Variants in MON2 observed in about 807,000 individuals in gnomAD.
The protein encoded by MON2 is protein MON2 homolog.
MON2 carries 84 observed loss-of-function variants against 208.6 expected under a neutral mutation model. The observed-to-expected ratio is 0.40, with a 90% confidence interval of 0.34 to 0.48. The LOEUF is 0.48. Ranked by LOEUF, MON2 falls within the 20% of genes least tolerant of loss-of-function variation. MON2 has a pLI of 0.59. For synonymous variants in MON2, 660 were observed against 694.0 expected, an observed-to-expected ratio of 0.95 and a Z score of 0.77; for missense variants, 1,611 against 2,015.4, an observed-to-expected ratio of 0.80 and a Z score of 3.84.
intron 2 of MON2, among the ~76,000 whole-genome samples, chr12:62,488,982 G>A (rs1014364708): frequency 2.0e-5 from 3 of 151,748 alleles, no homozygotes; most frequent in Non-Finnish European, 4.4e-5. Context: ...ACATGTATCC[G>A]AGAACTTAAA....
chr12:62,495,579 A>G (rs1303209537), intron 4 of MON2, among the ~76,000 whole-genome samples: 1 of 151,506 alleles, frequency 6.6e-6, no homozygotes, highest in Non-Finnish European at 1.5e-5. Context: ...AGTCCCGGCT[A>G]CTCGGGAGGC....
In MON2 at chr12:62,467,014, G is replaced by A. The variant is rs12829785; in HGVS notation, c.-194G>A. On this transcript the variant is annotated 5_prime_UTR_variant, in exon 1 of 35. Transcript: ENST00000393630. Reference sequence around the variant, plus strand: ...CGGTGCGACTGCGGGGGGCGCCTCCGAGAAAAGCCAGAGGTGTTGCGGGGA... The same window carrying A: ...CGGTGCGACTGCGGGGGGCGCCTCCAAGAAAAGCCAGAGGTGTTGCGGGGA... The A allele has an allele frequency of 0.03, 15,099 of 510,962 alleles. 301 individuals carry two copies. The highest frequency in any genetic ancestry group is 0.038 in the Non-Finnish European group (10,914 of 287,474). 31.7% of individuals were successfully genotyped at this position (510,962 alleles called of 1,614,324 possible). A position where few individuals can be genotyped will look rare whatever the true frequency, so the allele number is the denominator to read the frequency against.
rs1323568328 is a variant in MON2 at position 62,593,157 on chromosome 12, A to G, written c.*408A>G. ...TTTTGCACCCTTTTTCAAGTACAAA[A>G]TCGTACTAGAATTTTATGCAAGATG... On this transcript the variant is annotated 3_prime_UTR_variant, in exon 35 of 35. Transcript: ENST00000393630. 1 of 157,094 alleles carries G rather than the reference A, an allele frequency of 6.4e-6. No homozygotes were observed. The highest frequency in any genetic ancestry group is 2.4e-5 in the African/African-American group (1 of 41,538). The allele number at this position is 157,094 out of a possible 1,614,324, so 9.7% of individuals were successfully genotyped here.
chr12:62,499,105 A>T (rs1191920766), intron 5 of MON2, 57 bp downstream of exon 5: 28 of 1,577,526 alleles, frequency 1.8e-5, no homozygotes, highest in Non-Finnish European at 2.4e-5. Context: ...TTTCATTTGT[A>T]TTAACTTTCG....
At chr12:62,506,521 G>C (rs1035108994) in intron 7 of MON2, among the ~76,000 whole-genome samples, 1 of 152,002 alleles carries the variant, frequency 6.6e-6, no homozygotes, top group East Asian at 1.9e-4. Flanking sequence ...GATCACCTGA[G>C]GTCAGGAGAG....
chr12:62,478,364 A>G (rs922077838), intron 1 of MON2, among the ~76,000 whole-genome samples: 2 of 152,196 alleles, frequency 1.3e-5, no homozygotes, highest in Non-Finnish European at 2.9e-5. Context: ...CAAGCCATAG[A>G]CAGTACTAAA....
In MON2 at chr12:62,554,005, G is replaced by A. The variant is rs2073861250; in HGVS notation, c.3210+831G>A. Among the ~76,000 whole-genome samples the A allele has an allele frequency of 2.0e-5, 3 of 152,124 alleles. No homozygotes were observed. The South Asian group carries it at 6.2e-4, about 32-fold the overall frequency. On this transcript the variant is annotated intron_variant, in intron 24 of 34. Transcript: ENST00000393630. ...TCAAGACCAACCTGGCCAATATGGT[G>A]AAACCCCATATCTATTATAGTAAAA... is the stretch of plus-strand genomic sequence containing the variant.
chr12:62,553,030 G>A lies in MON2; in HGVS notation c.3066G>A (p.Trp1022Ter). Residue 1022 changes from tryptophan (W) to a stop codon, truncating the protein, a stop_gained, in exon 24 of 35, where the codon TGG (tryptophan) becomes TGA (stop). Coordinates refer to ENST00000393630, the MANE Select transcript of MON2 (RefSeq NM_015026.3). LOFTEE classifies it high-confidence loss of function. Reference sequence around the variant, plus strand: ...CTGCACCGCCATTTGATTGCTTGTGGTTATGTCTTTATGCAAAATTGGGTG... The same window carrying A: ...CTGCACCGCCATTTGATTGCTTGTGATTATGTCTTTATGCAAAATTGGGTG... ...FHPAPPFDCLWLCLYAKLGEL... is the reference protein window; with the variant it reads ...FHPAPPFDCL 6 of 1,614,178 alleles carry A rather than the reference G, an allele frequency of 3.7e-6. No individual in the cohort carries two copies. Among genetic ancestry groups the A allele is most frequent in the Non-Finnish European group, 2.5e-6 (3 of 1,180,020 alleles).
chr12:62,591,708 A>C (rs1338107167), intron 34 of MON2, among the ~76,000 whole-genome samples: 1 of 152,222 alleles, frequency 6.6e-6, no homozygotes, highest in Non-Finnish European at 1.5e-5. Flanking sequence ...TGACTTGACC[A>C]GGGACACCCA....
rs141014190 is a variant in MON2, at chr12:62,587,259, A to G, written c.4908-815A>G. ...CTTGTTTGTATTATTAGAAAGTTAA[A>G]TAAGTACCATTGTAATTTTGAATAT... On this transcript the variant is annotated intron_variant, in intron 33 of 34. Coordinates refer to ENST00000393630, the MANE Select transcript of MON2 (RefSeq NM_015026.3). Among the ~76,000 whole-genome samples the G allele has an allele frequency of 2.6e-3, 397 of 152,276 alleles. 2 individuals are homozygous for G. Among genetic ancestry groups the G allele is most frequent in the African/African-American group, 8.8e-3 (366 of 41,560 alleles).
At chr12:62,584,170 A>G (rs1418470309) in intron 32 of MON2, among the ~76,000 whole-genome samples, 1 of 152,048 alleles carries the variant, frequency 6.6e-6, no homozygotes, top group Non-Finnish European at 1.5e-5. Context: ...CAACCAGAGG[A>G]CAAGCAATTG....
Position 62,596,358 on chromosome 12 carries a change from C to T in MON2, c.*3609C>T, listed in dbSNP as rs1459883110. ...AAGTCTGTCTAGCCAAGGCAGAACA[C>T]TTACAGGAGTCCCTAACTGTGCCAC... On this transcript the variant is annotated 3_prime_UTR_variant, in exon 35 of 35. Coordinates refer to ENST00000393630, the MANE Select transcript of MON2 (RefSeq NM_015026.3). 1 of 152,176 alleles carries T rather than the reference C, an allele frequency of 6.6e-6. No homozygotes were observed. The highest frequency in any genetic ancestry group is 2.4e-5 in the African/African-American group (1 of 41,438). 9.4% of individuals were successfully genotyped at this position (152,176 alleles called of 1,614,324 possible).
chr12:62,550,524 TA>T (rs561868783), intron 23 of MON2, among the ~76,000 whole-genome samples: 5 of 150,900 alleles, frequency 3.3e-5, no homozygotes, highest in African/African-American at 7.3e-5. Context: ...CTTGTCTCTG[TA>T]AAAAAAAATG....
chr12:62,483,688 C>G (rs1034129329), intron 1 of MON2, among the ~76,000 whole-genome samples: 2 of 152,110 alleles, frequency 1.3e-5, no homozygotes, highest in African/African-American at 4.8e-5. Flanking sequence ...TGGACTCCAG[C>G]CTGGGCAACA....
At chr12:62,504,506 C>T (rs2071007297) in intron 7 of MON2, among the ~76,000 whole-genome samples, 2 of 152,134 alleles carry the variant, frequency 1.3e-5, no homozygotes, top group South Asian at 4.1e-4. Flanking sequence ...CTCAGCCTCC[C>T]AAAGTGCTGA....
At chr12:62,525,000 A>G (rs12369985) in intron 9 of MON2, 84 bp from the exon 10 acceptor site, 171,845 of 1,156,048 alleles carry the variant, frequency 0.15, 14,307 homozygotes, top group Middle Eastern at 0.24. Flanking sequence ...TAACTCTTAT[A>G]GTAATATCAC....
chr12:62,490,056 A>G, intron 2 of MON2: 1 of 1,182,520 alleles, frequency 8.5e-7, no homozygotes, highest in Non-Finnish European at 1.1e-6. Context: ...GCAATTATGC[A>G]GTGAAACTGC....
chr12:62,561,677 A>C (rs1370777297), intron 26 of MON2, among the ~76,000 whole-genome samples: 2 of 152,192 alleles, frequency 1.3e-5, no homozygotes, highest in Non-Finnish European at 1.5e-5. Flanking sequence ...AGGCTAGATC[A>C]AATTCAAAGT....
At chr12:62,467,423 C>A in intron 1 of MON2, 105 bp downstream of exon 1, 1 of 893,410 alleles carries the variant, frequency 1.1e-6, no homozygotes, top group Non-Finnish European at 1.8e-6. Context: ...TCAGGCCTCA[C>A]CTTTCCAGAT....
Sources: allele counts gnomAD v4.1 joint callset (sites outside exome capture counted in the v4.1 genomes callset), GRCh38; gene constraint gnomAD v4.1.1; transcripts MANE v1.5; gene names NCBI Gene and HGNC (gene_info 2026-07-23, HGNC 2026-07-21).